RBM7: variants seen among roughly 807,000 people sequenced by gnomAD.
The protein encoded by RBM7 is RNA binding motif protein 7.
RBM7 carries 13 observed loss-of-function variants against 31.0 expected under a neutral mutation model. That is an observed-to-expected ratio of 0.42 (90% CI 0.27 to 0.67). The LOEUF is 0.67. RBM7 is among the 30% of genes least tolerant of loss of function. The pLI is 0.24. For synonymous variants in RBM7, 106 were observed against 111.2 expected, an observed-to-expected ratio of 0.95 and a Z score of 0.30; for missense variants, 245 against 326.2, an observed-to-expected ratio of 0.75 and a Z score of 1.92.
intron 3 of RBM7, among the ~76,000 whole-genome samples, 153 bp from the exon 4 acceptor site, chr11:114,405,553 A>G (rs929116104): frequency 2.6e-5 from 4 of 152,218 alleles, no homozygotes; most frequent in African/African-American, 9.6e-5. Flanking sequence ...TCATGAGAAA[A>G]TATCCTGTTG....
chr11:114,409,231 T>C lies in RBM7; in HGVS notation c.*1424T>C, dbSNP rs550112854. 1.3e-5 allele frequency: 2 copies of C among 152,346 alleles called. No homozygotes were observed. The highest frequency in any genetic ancestry group is 4.1e-4 in the South Asian group (2 of 4,828). The allele number at this position is 152,346 out of a possible 1,614,324, so 9.4% of individuals were successfully genotyped here. A position where few individuals can be genotyped will look rare whatever the true frequency, so the allele number is the denominator to read the frequency against. ...AATGTAGCTATTCAACTACTCACTA[T>C]AGAATTAAGATAAACAATTTGTTTG... On this transcript the variant is annotated 3_prime_UTR_variant, in exon 5 of 5. Transcript: ENST00000375490.
chr11:114,406,833 C>T (rs2135356212), intron 4 of RBM7: 1 of 152,388 alleles, frequency 6.6e-6, no homozygotes, highest in Admixed American at 6.5e-5. Flanking sequence ...AGTTCGAGAC[C>T]AGCCTGGCCA....
chr11:114,406,368 A>G (rs1401999761), intron 4 of RBM7: 1 of 152,230 alleles, frequency 6.6e-6, no homozygotes, highest in Admixed American at 6.5e-5. Flanking sequence ...GGTCTGCAAA[A>G]TGAAATATAG....
chr11:114,405,757 G>A lies in RBM7; in HGVS notation c.399G>A (p.Gln133=), dbSNP rs773530056. 3.1e-6 allele frequency: 5 copies of A among 1,608,228 alleles called. No individual in the cohort carries two copies. The highest frequency in any genetic ancestry group is 4.2e-6 in the Non-Finnish European group (5 of 1,177,676). Residue 133 remains glutamine, a synonymous_variant, in exon 4 of 5, where the codon CAG becomes CAA. Transcript: ENST00000375490. ...DNMTSSAQII[Q]RSFSSPENFQ... Reference sequence around the variant, plus strand: ...TGACTTCATCAGCACAGATAATTCAGAGATCTTTCTCTTCTCCAGAAAATT... The same window carrying A: ...TGACTTCATCAGCACAGATAATTCAAAGATCTTTCTCTTCTCCAGAAAATT...
chr11:114,405,624 C>G (rs1946256423), intron 3 of RBM7, 82 bp from the exon 4 acceptor site: 2 of 942,862 alleles, frequency 2.1e-6, no homozygotes, highest in Non-Finnish European at 1.5e-6. Flanking sequence ...TCATTCCGAC[C>G]TTTGAGAAAT....
intron 3 of RBM7, among the ~76,000 whole-genome samples, chr11:114,404,688 T>C (rs1341336055): frequency 1.9e-5 from 2 of 105,258 alleles, no homozygotes; most frequent in Non-Finnish European, 3.4e-5. Context: ...AAGAATTTCT[T>C]TGAAAAAAAA....
intron 1 of RBM7, 49 bp from the exon 2 acceptor site, chr11:114,401,649 T>C (rs1946203368): frequency 7.3e-7 from 1 of 1,369,916 alleles, no homozygotes; most frequent in Non-Finnish European, 9.7e-7. Flanking sequence ...AATTTGAGTA[T>C]TTTCCCTTAG....
rs1233892762 is a variant in RBM7 at position 114,400,691 on chromosome 11, A to G, written c.20A>G (p.Glu7Gly). ...GCTGAGATGGGGGCGGCGGCGGCGG[A>G]AGCGGATCGCACTCTCTTTGTGGGC... MGAAAA[E>G]ADRTLFVGNL... Residue 7 changes from glutamate to glycine, a missense_variant, in exon 1 of 5, where the codon GAA becomes GGA. Coordinates refer to ENST00000375490, the MANE Select transcript of RBM7 (RefSeq NM_001286045.2). 1.2e-6 allele frequency: 2 copies of G among 1,614,192 alleles called. No individual in the cohort carries two copies. Among genetic ancestry groups the G allele is most frequent in the Non-Finnish European group, 8.5e-7 (1 of 1,180,034 alleles).
Position 114,407,478 on chromosome 11 carries a change from G to A in RBM7, c.475G>A (p.Gly159Arg). 8.1e-6 allele frequency: 13 copies of A among 1,613,750 alleles called. 1 individual carries two copies. Among genetic ancestry groups the A allele is most frequent in the Non-Finnish European group, 1.0e-5 (12 of 1,179,702 alleles). ...TGCTTTGAGACAAATGTCATATGGTGGAAAATTTGGTTCTTCACCTCTGGA... is the reference window on the plus strand; with the variant it reads ...TGCTTTGAGACAAATGTCATATGGTAGAAAATTTGGTTCTTCACCTCTGGA... ...NSALRQMSYG[G>R]KFGSSPLDQS... Residue 159 changes from glycine (G) to arginine (R), a missense_variant, in exon 5 of 5, where the codon GGA becomes AGA. Physicochemically the swap from Gly to Arg is moderately radical, Grantham distance 125. Coordinates refer to ENST00000375490, the MANE Select transcript of RBM7 (RefSeq NM_001286045.2).
Position 114,407,438 on chromosome 11 carries a change from T to G in RBM7, c.442-7T>G. On this transcript the variant is annotated splice_region_variant and splice_polypyrimidine_tract_variant and intron_variant, in intron 4 of 4. Coordinates refer to ENST00000375490, the MANE Select transcript of RBM7 (RefSeq NM_001286045.2). ...GTATTAACATTTCCACTTTTCCTAT[T>G]CCTCAGATGAACAGTGCTTTGAGAC... 6.3e-7 allele frequency: 1 copy of G among 1,599,832 alleles called. No individual in the cohort carries two copies. The highest frequency in any genetic ancestry group is 8.5e-7 in the Non-Finnish European group (1 of 1,171,292).
intron 3 of RBM7, among the ~76,000 whole-genome samples, chr11:114,405,212 T>C (rs1946251374): frequency 1.3e-5 from 2 of 152,236 alleles, no homozygotes; most frequent in South Asian, 4.1e-4. Context: ...TAGTTAATAT[T>C]TTAGACTTTG....
At chr11:114,401,596 T>C in intron 1 of RBM7, 102 bp from the exon 2 acceptor site, 6 of 992,080 alleles carry the variant, frequency 6.0e-6, no homozygotes, top group Non-Finnish European at 8.4e-6. Flanking sequence ...AGTTTCTGAT[T>C]ACGTTTCTGT....
intron 1 of RBM7, 105 bp downstream of exon 1, chr11:114,400,872 G>A (rs1282651555): frequency 6.1e-6 from 8 of 1,317,922 alleles, no homozygotes; most frequent in Middle Eastern, 2.0e-4. Context: ...GACCCGACGG[G>A]TGGCTGTTTG....
At chr11:114,404,764 C>T (rs1946244202) in intron 3 of RBM7, among the ~76,000 whole-genome samples, 1 of 151,428 alleles carries the variant, frequency 6.6e-6, no homozygotes, top group African/African-American at 2.4e-5. Context: ...ATACTATAAA[C>T]TAAATTGTAC....
At chr11:114,401,094 C>T (rs957853772) in intron 1 of RBM7, among the ~76,000 whole-genome samples, 5 of 152,202 alleles carry the variant, frequency 3.3e-5, no homozygotes, top group Admixed American at 1.3e-4. Flanking sequence ...CTGTTGTCAT[C>T]TTCCCCTTAG....
At chr11:114,405,526 C>A (rs563740896) in intron 3 of RBM7, among the ~76,000 whole-genome samples, 180 bp from the exon 4 acceptor site, 6 of 152,138 alleles carry the variant, frequency 3.9e-5, no homozygotes, top group Non-Finnish European at 7.3e-5. Flanking sequence ...TTTAATCATA[C>A]GTTTTATCAC....
At chr11:114,405,830 CAA>C in intron 4 of RBM7, 31 bp downstream of exon 4, 1 of 1,317,980 alleles carries the variant, frequency 7.6e-7, no homozygotes, top group Admixed American at 2.3e-5. Context: ...CTTGAATTGC[CAA>C]AAAAAAATCA....
Position 114,408,725 on chromosome 11 carries a change from G to A in RBM7, c.*918G>A, listed in dbSNP as rs778357226. 3 of 152,156 alleles carry A rather than the reference G, an allele frequency of 2.0e-5. No individual in the cohort carries two copies. Among genetic ancestry groups the A allele is most frequent in the Non-Finnish European group, 4.4e-5 (3 of 67,984 alleles). The allele number at this position is 152,156 out of a possible 1,614,324, so 9.4% of individuals were successfully genotyped here. A position where few individuals can be genotyped will look rare whatever the true frequency, so the allele number is the denominator to read the frequency against. ...TGTTTTTTTGTTTGAACCTTTGAAA[G>A]AGTTTAATCTTAACGTTTTCTAATT... is the stretch of plus-strand genomic sequence containing the variant. On this transcript the variant is annotated 3_prime_UTR_variant, in exon 5 of 5. Coordinates refer to ENST00000375490, the MANE Select transcript of RBM7 (RefSeq NM_001286045.2).
chr11:114,407,984 TAA>T lies in RBM7; in HGVS notation c.*178_*179del, dbSNP rs975656501. Reference sequence around the variant, plus strand: ...ATGAATTGCGGTTTTATTACATTAATAACCTTTCACCTCAGGGTTTTATGAAG... The same window carrying T: ...ATGAATTGCGGTTTTATTACATTAATCCTTTCACCTCAGGGTTTTATGAAG... On this transcript the variant is annotated 3_prime_UTR_variant, in exon 5 of 5. Transcript: ENST00000375490. 5 of 664,394 alleles carry T rather than the reference TAA, an allele frequency of 7.5e-6. No individual in the cohort carries two copies. The highest frequency in any genetic ancestry group is 7.3e-5 in the African/African-American group (4 of 55,098). The allele number at this position is 664,394 out of a possible 1,614,324, so 41.2% of individuals were successfully genotyped here.
Sources: allele counts gnomAD v4.1 joint callset (sites outside exome capture counted in the v4.1 genomes callset), GRCh38; gene constraint gnomAD v4.1.1; transcripts MANE v1.5; gene names NCBI Gene and HGNC (gene_info 2026-07-23, HGNC 2026-07-21).